Variants in NFASC observed in about 807,000 individuals in gnomAD.
NFASC encodes neurofascin.
NFASC carries 43 observed loss-of-function variants against 147.5 expected under a neutral mutation model. The ratio of observed to expected loss-of-function variants is 0.29; its 90% CI spans 0.23 to 0.38. NFASC has a LOEUF of 0.38. Ranked by LOEUF, NFASC falls within the 10% of genes least tolerant of loss-of-function variation. The probability of loss-of-function intolerance (pLI) is 1.00; values close to 1 mark genes in which losing one functional copy is unlikely to be tolerated. For missense variants in NFASC, 1,320 were observed against 1,689.0 expected (o/e 0.78, Z 3.83); for synonymous variants, 622 against 665.5 (o/e 0.93, Z 1.01).
chr1:204,863,114 A>G (rs2076804406), intron 1 of NFASC, among the ~76,000 whole-genome samples: 1 of 152,212 alleles, frequency 6.6e-6, no homozygotes, highest in African/African-American at 2.4e-5. Flanking sequence ...TCGAGATTTC[A>G]GAGGTACACT....
At chr1:204,841,962 A>T (rs1343168809) in intron 1 of NFASC, among the ~76,000 whole-genome samples, 1 of 152,200 alleles carries the variant, frequency 6.6e-6, no homozygotes, top group Non-Finnish European at 1.5e-5. Context: ...AAAAGGAAAC[A>T]GGAAGGGTTG....
At chr1:204,971,958 C>T (rs1307274415) in intron 11 of NFASC, among the ~76,000 whole-genome samples, 1 of 152,220 alleles carries the variant, frequency 6.6e-6, no homozygotes, top group Non-Finnish European at 1.5e-5. Flanking sequence ...GGTCACCTGT[C>T]ACTCTCCCCA....
chr1:204,944,492 G>A (rs2093581652), intron 3 of NFASC, 86 bp downstream of exon 3: 7 of 989,546 alleles, frequency 7.1e-6, no homozygotes, highest in Non-Finnish European at 2.9e-6. Flanking sequence ...GGAAAGTTCA[G>A]ATAATCCAAG....
Position 204,851,326 on chromosome 1 carries a change from CTT to C in NFASC, c.-200+22559_-200+22560del, listed in dbSNP as rs59834352. Among the ~76,000 whole-genome samples the C allele has an allele frequency of 6.5e-3, 881 of 136,364 alleles. 14 individuals are homozygous for C. The highest frequency in any genetic ancestry group is 0.022 in the African/African-American group (813 of 36,994). 89.5% of individuals were successfully genotyped at this position (136,364 alleles called of 152,430 possible). On this transcript the variant is annotated intron_variant, in intron 1 of 29. Transcript: ENST00000339876. Reference sequence around the variant, plus strand: ...AAATGTGTTAACAAATCATGCTTTTCTTTTTTTTTTTTTTTTCTTTTTTTGAG... The same window carrying C: ...AAATGTGTTAACAAATCATGCTTTTCTTTTTTTTTTTTTTCTTTTTTTGAG...
intron 1 of NFASC, among the ~76,000 whole-genome samples, chr1:204,843,650 CCCTCCCTTCCTT>C (rs1676109565): frequency 8.5e-6 from 1 of 117,598 alleles, no homozygotes; most frequent in African/African-American, 3.4e-5. Context: ...CTCCCTCCCT[CCCTCCCTTCCTT>C]CCTCCCTCCC....
chr1:204,910,806 A>G (rs1207236779), intron 1 of NFASC, among the ~76,000 whole-genome samples: 1 of 148,224 alleles, frequency 6.7e-6, no homozygotes, highest in African/African-American at 2.5e-5. Context: ...GCCTGGCCTC[A>G]TATATTAGTT....
Position 205,001,302 on chromosome 1 carries a change from C to T in NFASC, c.3136+16C>T, listed in dbSNP as rs530103866. On this transcript the variant is annotated intron_variant, in intron 26 of 29. Coordinates refer to ENST00000339876, the MANE Select transcript of NFASC (RefSeq NM_001005388.3). The stretch of plus-strand genomic sequence containing the variant: ...TACATCGACAGTAAGCATTGCTGTG[C>T]GGGGTGGTGGTGGCGGCAGCGGCGT... 49 of 1,538,184 alleles carry T rather than the reference C, an allele frequency of 3.2e-5. No individual in the cohort carries two copies. Among genetic ancestry groups the T allele is most frequent in the African/African-American group, 3.1e-4 (23 of 73,508 alleles).
intron 21 of NFASC, chr1:204,984,180 C>T (rs747474493): frequency 7.0e-6 from 10 of 1,420,596 alleles, no homozygotes; most frequent in South Asian, 4.6e-5. Context: ...AACTACCCAG[C>T]TCACTAACCA....
At chr1:204,951,499 C>T (rs1379039384) in intron 4 of NFASC, among the ~76,000 whole-genome samples, 14 of 144,166 alleles carry the variant, frequency 9.7e-5, no homozygotes, top group African/African-American at 2.6e-4. Context: ...AACAGAATAT[C>T]GCTCTGTCGC....
At position 204,954,687 on chromosome 1, in the gene NFASC, G is replaced by T. The variant is rs184402349; in HGVS notation, c.413-142G>T. On this transcript the variant is annotated intron_variant, in intron 6 of 29. Transcript: ENST00000339876. This position sits in a 1 kb window ranked among gnomAD's most constrained non-coding sequence, Gnocchi z 5.7. ...AGGGCGGCCCCTTGAGTAGGCTCACGTGCCCCGTCCCTCTCTCTTGCTCCC... is the reference window on the plus strand; with the variant it reads ...AGGGCGGCCCCTTGAGTAGGCTCACTTGCCCCGTCCCTCTCTCTTGCTCCC... 9.8e-7 allele frequency: 1 copy of T among 1,015,334 alleles called. No homozygotes were observed. The highest frequency in any genetic ancestry group is 1.5e-6 in the Non-Finnish European group (1 of 683,894). 62.9% of individuals were successfully genotyped at this position (1,015,334 alleles called of 1,614,324 possible).
intron 2 of NFASC, among the ~76,000 whole-genome samples, chr1:204,935,013 G>A (rs989533907): frequency 6.6e-6 from 1 of 152,182 alleles, no homozygotes; most frequent in Non-Finnish European, 1.5e-5. Context: ...GGTGCAGTTG[G>A]GGAAACAGAC....
chr1:205,011,875 T>G lies in NFASC; in HGVS notation c.3422-922T>G, dbSNP rs141723932. Among the ~76,000 whole-genome samples the G allele has an allele frequency of 8.1e-4, 123 of 151,868 alleles. 1 individual carries two copies. The highest frequency in any genetic ancestry group is 6.0e-3 in the East Asian group (31 of 5,154). ...GGGTGGATCACCTGAGGTCGGGAGT[T>G]CAAGACCAGCCTGGCCAACATGGTA... On this transcript the variant is annotated intron_variant, in intron 28 of 29. Transcript: ENST00000339876.
At position 204,974,756 on chromosome 1, in the gene NFASC, C is replaced by T. The variant is rs1231186256; in HGVS notation, c.1491C>T (p.Gly497=). 6.2e-7 allele frequency: 1 copy of T among 1,613,320 alleles called. No individual in the cohort carries two copies. ...AGATGATCCGCAAAGAGGACCAGGG[C>T]ATCTACACCTGTGTCGCCACCAACA... ...EIKMIRKEDQ[G]IYTCVATNIL... is the part of the protein sequence containing the mutation. Residue 497 remains glycine, a synonymous_variant, in exon 14 of 30, where the codon GGC becomes GGT. Transcript: ENST00000339876.
chr1:204,945,943 G>T (rs1213877383), intron 3 of NFASC, among the ~76,000 whole-genome samples: 1 of 152,222 alleles, frequency 6.6e-6, no homozygotes, highest in Non-Finnish European at 1.5e-5. Flanking sequence ...CCCAGGGCCA[G>T]TGGGTGAGGG....
chr1:204,947,910 GCACACTCACACCCACT>G (rs1273758066), intron 3 of NFASC, among the ~76,000 whole-genome samples: 1 of 151,806 alleles, frequency 6.6e-6, no homozygotes, highest in Non-Finnish European at 1.5e-5. Context: ...GCTCACTCAT[GCACACTCACACCCACT>G]CACACTCACA....
chr1:205,009,885 G>A, intron 28 of NFASC, 197 bp downstream of exon 28: 1 of 635,910 alleles, frequency 1.6e-6, no homozygotes, highest in Non-Finnish European at 2.7e-6. Flanking sequence ...CGCCTGAGTT[G>A]GGCGGATGGC....
In NFASC at chr1:205,002,698, G is replaced by T; in HGVS notation, c.3239G>T (p.Arg1080Leu). 1 of 1,578,746 alleles carries T rather than the reference G, an allele frequency of 6.3e-7. No individual in the cohort carries two copies. The highest frequency in any genetic ancestry group is 8.7e-7 in the Non-Finnish European group (1 of 1,154,318). Residue 1080 changes from arginine to leucine, a missense_variant, in exon 27 of 30, where the codon CGG becomes CTG. By Grantham distance (102) the Arg-to-Leu change is moderately radical. Coordinates refer to ENST00000339876, the MANE Select transcript of NFASC (RefSeq NM_001005388.3). ...ACATACACGTTGCGGGTTTATTCCC[G>T]GGACAACGAGGGCATCAGCAGTACC... ...GMTYTLRVYS[R>L]DNEGISSTVI...
intron 2 of NFASC, among the ~76,000 whole-genome samples, chr1:204,921,782 G>A (rs944654992): frequency 6.6e-5 from 10 of 152,134 alleles, no homozygotes; most frequent in African/African-American, 2.4e-4. Context: ...AGAGTGCCTG[G>A]CTCATTTAAT....
chr1:204,922,028 G>A (rs1250947448), intron 2 of NFASC, among the ~76,000 whole-genome samples: 2 of 152,132 alleles, frequency 1.3e-5, no homozygotes, highest in African/African-American at 4.8e-5. Context: ...CAGGGGTGGC[G>A]CGGGCAGGGG....
Sources: allele counts gnomAD v4.1 joint callset (sites outside exome capture counted in the v4.1 genomes callset), GRCh38; gene constraint gnomAD v4.1.1; non-coding constraint Gnocchi (gnomAD v3.1); transcripts MANE v1.5; gene names NCBI Gene and HGNC (gene_info 2026-07-23, HGNC 2026-07-21).